Variants in ZBTB47 observed in about 807,000 individuals in gnomAD.
ZBTB47 encodes zinc finger and BTB domain-containing protein 47.
A neutral mutation model predicts 56.6 loss-of-function variants in ZBTB47; 24 were observed. The ratio of observed to expected loss-of-function variants is 0.42; its 90% CI spans 0.31 to 0.60. The LOEUF (loss-of-function observed/expected upper bound fraction) is 0.60, where lower values mean the gene tolerates loss of function less well. Ranked by LOEUF, ZBTB47 falls within the 20% of genes least tolerant of loss-of-function variation. The pLI, the probability that ZBTB47 is intolerant of heterozygous loss-of-function variation, is 0.14. For missense variants in ZBTB47, 829 were observed against 1,032.6 expected (o/e 0.80, Z 2.70); for synonymous variants, 414 against 418.9 (o/e 0.99, Z 0.14).
chr3:42,663,968 C>G lies in ZBTB47; in HGVS notation c.1882+27C>G. On this transcript the variant is annotated intron_variant, in intron 5 of 5. Coordinates refer to ENST00000232974, the MANE Select transcript of ZBTB47 (RefSeq NM_145166.4). This position sits in a 1 kb window ranked among gnomAD's most constrained non-coding sequence, Gnocchi z 5.1. ...TGCGGCTGCCCCTGGGGACGGAGCT[C>G]GGTGCCGGGCCTGGGACCCCTTCTC... 4 of 1,594,802 alleles carry G rather than the reference C, an allele frequency of 2.5e-6. No homozygotes were observed. Among genetic ancestry groups the G allele is most frequent in the Non-Finnish European group, 3.4e-6 (4 of 1,168,608 alleles).
Position 42,659,477 on chromosome 3 carries a change from C to T in ZBTB47, c.1122C>T (p.His374=). The T allele has an allele frequency of 6.6e-7, 1 of 1,523,294 alleles. No individual in the cohort carries two copies. The allele number at this position is 1,523,294 out of a possible 1,614,324, so 94.4% of individuals were successfully genotyped here. ...GCAGCCGGGCAGACCCCCCTCCCCACAGTCACATGGCCACACGGTCCCGGG... is the reference window on the plus strand; with the variant it reads ...GCAGCCGGGCAGACCCCCCTCCCCATAGTCACATGGCCACACGGTCCCGGG... ...SRSSRADPPP[H]SHMATRSREN... Residue 374 remains histidine (H), a synonymous_variant, in exon 2 of 6, where the codon CAC becomes CAT. Coordinates refer to ENST00000232974, the MANE Select transcript of ZBTB47 (RefSeq NM_145166.4).
Position 42,664,843 on chromosome 3 carries a change from C to CTTTTT in ZBTB47, c.*255_*259dup. 2 of 300,106 alleles carry CTTTTT rather than the reference C, an allele frequency of 6.7e-6. No individual in the cohort carries two copies. Among genetic ancestry groups the CTTTTT allele is most frequent in the East Asian group, 5.1e-5 (1 of 19,506 alleles). 18.6% of individuals were successfully genotyped at this position (300,106 alleles called of 1,614,324 possible). A position where few individuals can be genotyped will look rare whatever the true frequency, so the allele number is the denominator to read the frequency against. On this transcript the variant is annotated 3_prime_UTR_variant, in exon 6 of 6. Transcript: ENST00000232974. ...TTTCTGTGACTCCTTGAAGCCTTTA[C>CTTTTT]TTTTTTTTTTTTTTGGAAGTGAAGG...
In ZBTB47 at chr3:42,659,474, C is replaced by T; in HGVS notation, c.1119C>T (p.Pro373=). ...GSRSSRADPP[P]HSHMATRSRE... is the part of the protein sequence containing the mutation. ...GAAGCAGCCGGGCAGACCCCCCTCC[C>T]CACAGTCACATGGCCACACGGTCCC... The change falls in exon 2 of 6, where the codon CCC becomes CCT. Residue 373 remains proline, a synonymous_variant. Coordinates refer to ENST00000232974, the MANE Select transcript of ZBTB47 (RefSeq NM_145166.4). 6.6e-7 allele frequency: 1 copy of T among 1,521,638 alleles called. No individual in the cohort carries two copies. Among genetic ancestry groups the T allele is most frequent in the Non-Finnish European group, 8.8e-7 (1 of 1,139,822 alleles). The allele number at this position is 1,521,638 out of a possible 1,614,324, so 94.3% of individuals were successfully genotyped here.
chr3:42,661,769 G>T, intron 3 of ZBTB47, 137 bp downstream of exon 3: 1 of 1,218,812 alleles, frequency 8.2e-7, no homozygotes, highest in South Asian at 1.5e-5. Flanking sequence ...GCCTGGGGAG[G>T]TTGGTTCCAG....
chr3:42,657,366 G>A (rs1167819730), intron 1 of ZBTB47, among the ~76,000 whole-genome samples: 2 of 152,210 alleles, frequency 1.3e-5, no homozygotes, highest in Admixed American at 6.5e-5. Context: ...GGGGTCTACC[G>A]GGAAAAGGAT....
chr3:42,659,328 CAGGAAGAGGAAGAGGAGG>C lies in ZBTB47; in HGVS notation c.984_1001del (p.Glu330_Glu335del). 6.9e-7 allele frequency: 1 copy of C among 1,456,830 alleles called. No individual in the cohort carries two copies. The highest frequency in any genetic ancestry group is 2.5e-5 in the East Asian group (1 of 40,688). The allele number at this position is 1,456,830 out of a possible 1,614,324, so 90.2% of individuals were successfully genotyped here. ...AGAGGAGGAGGACGGGCACAGTGAG[CAGGAAGAGGAAGAGGAGG>C]AGGAAGAGGAGGAAGGGCCTAGTGA... is the stretch of plus-strand genomic sequence containing the variant. On this transcript the variant is annotated inframe_deletion, in exon 2 of 6. Transcript: ENST00000232974.
rs780527300 is a variant in ZBTB47 at position 42,663,154 on chromosome 3, GC to G, written c.1737+30del. On this transcript the variant is annotated intron_variant, in intron 4 of 5. Transcript: ENST00000232974. The surrounding 1 kb of genome is among the most constrained non-coding windows in gnomAD (Gnocchi z 5.1). ...TGAGCTTCCATCTCCTGCCTGGCCTGCCCGAGGGGTCACCTGGGAGGGGCAG... is the reference window on the plus strand; with the variant it reads ...TGAGCTTCCATCTCCTGCCTGGCCTGCCGAGGGGTCACCTGGGAGGGGCAG... 7 of 1,553,784 alleles carry G rather than the reference GC, an allele frequency of 4.5e-6. No homozygotes were observed. The highest frequency in any genetic ancestry group is 5.3e-6 in the Non-Finnish European group (6 of 1,125,728).
chr3:42,659,455 G>T lies in ZBTB47; in HGVS notation c.1100G>T (p.Ser367Ile). The part of the protein sequence containing the change: ...GKQGPRGSRS[S>I]RADPPPHSHM... Reference sequence around the variant, plus strand: ...CAGGGGCCACGGGGAAGCCGAAGCAGCCGGGCAGACCCCCCTCCCCACAGT... The same window carrying T: ...CAGGGGCCACGGGGAAGCCGAAGCATCCGGGCAGACCCCCCTCCCCACAGT... The change falls in exon 2 of 6, where the codon AGC (serine) becomes ATC (isoleucine). Residue 367 changes from serine (S) to isoleucine (I), a missense_variant. Ser to Ile is a moderately radical substitution (Grantham distance 142). Coordinates refer to ENST00000232974, the MANE Select transcript of ZBTB47 (RefSeq NM_145166.4). 6.7e-7 allele frequency: 1 copy of T among 1,503,210 alleles called. No homozygotes were observed. 93.1% of individuals were successfully genotyped at this position (1,503,210 alleles called of 1,614,324 possible).
rs747949421 is a variant in ZBTB47, at chr3:42,662,997, G to A, written c.1622-15G>A. The A allele has an allele frequency of 6.2e-7, 1 of 1,602,514 alleles. No homozygotes were observed. Among genetic ancestry groups the A allele is most frequent in the Non-Finnish European group, 8.5e-7 (1 of 1,169,726 alleles). ...AGGCCCGTAAAACATGATGGCCCTG[G>A]TGCCCACCTCGTAGCCCACACCAAG... On this transcript the variant is annotated splice_polypyrimidine_tract_variant and intron_variant, in intron 3 of 5. Transcript: ENST00000232974.
rs1272842292 is a variant in ZBTB47, at chr3:42,658,304, G to A, written c.-52G>A. On this transcript the variant is annotated 5_prime_UTR_variant, in exon 2 of 6. Coordinates refer to ENST00000232974, the MANE Select transcript of ZBTB47 (RefSeq NM_145166.4). ...TGGTTGAGAAGACAACTGACTCCCC[G>A]GCGGCTGAGTTCTCGCTGGTGGAGG... 8 of 1,486,416 alleles carry A rather than the reference G, an allele frequency of 5.4e-6. No individual in the cohort carries two copies. The highest frequency in any genetic ancestry group is 2.8e-5 in the African/African-American group (2 of 71,910). The allele number at this position is 1,486,416 out of a possible 1,614,324, so 92.1% of individuals were successfully genotyped here.
At position 42,664,458 on chromosome 3, in the gene ZBTB47, C is replaced by G. The variant is rs897365097; in HGVS notation, c.2104C>G (p.Pro702Ala). Residue 702 changes from proline to alanine, a missense_variant, in exon 6 of 6, where the codon CCA becomes GCA. Pro to Ala is a conservative substitution (Grantham distance 27). Around this residue, in one of 6 missense-constraint regions of ZBTB47, gnomAD observed 115 missense variants for 117.2 expected, o/e 0.98. Coordinates refer to ENST00000232974, the MANE Select transcript of ZBTB47 (RefSeq NM_145166.4). ...DGVPAAPGLP[P>A]TQPQAHALPL... ...CGTCCCCGCTGCCCCAGGCCTGCCC[C>G]CAACCCAGCCCCAGGCGCACGCACT... The G allele has an allele frequency of 6.6e-7, 1 of 1,521,288 alleles. No individual in the cohort carries two copies. Among genetic ancestry groups the G allele is most frequent in the African/African-American group, 1.4e-5 (1 of 72,662 alleles). The allele number at this position is 1,521,288 out of a possible 1,614,324, so 94.2% of individuals were successfully genotyped here.
Position 42,664,512 on chromosome 3 carries a change from CTG to C in ZBTB47, c.2159_2160del (p.Leu720ProfsTer107). 9 of 1,431,058 alleles carry C rather than the reference CTG, an allele frequency of 6.3e-6. No individual in the cohort carries two copies. The highest frequency in any genetic ancestry group is 8.2e-6 in the Non-Finnish European group (9 of 1,099,072). 88.6% of individuals were successfully genotyped at this position (1,431,058 alleles called of 1,614,324 possible). Reference protein sequence around the residue: ...LPLLPGLPQTLPPPPHLPPPP... With the variant: ...LPLLPGLPQTXPPPPHLPPPP... ...CCTGCTCCCGGGGCTGCCCCAGACC[CTG>C]CCGCCCCCGCCCCACCTGCCGCCCC... On this transcript the variant is annotated frameshift_variant, in exon 6 of 6. Coordinates refer to ENST00000232974, the MANE Select transcript of ZBTB47 (RefSeq NM_145166.4). LOFTEE classifies it low-confidence loss of function (END_TRUNC).
At position 42,664,553 on chromosome 3, in the gene ZBTB47, C is replaced by T; in HGVS notation, c.2199C>T (p.Phe733=). The T allele has an allele frequency of 1.6e-6, 2 of 1,262,164 alleles. No individual in the cohort carries two copies. Among genetic ancestry groups the T allele is most frequent in the South Asian group, 1.6e-5 (1 of 62,456 alleles). 78.2% of individuals were successfully genotyped at this position (1,262,164 alleles called of 1,614,324 possible). ...PPHLPPPPPL[F]PTTASPGGRM... is the part of the protein sequence containing the mutation. ...ACCTGCCGCCCCCGCCTCCGCTCTT[C>T]CCCACCACTGCCAGCCCCGGCGGGA... is the stretch of plus-strand genomic sequence containing the variant. The change falls in exon 6 of 6, where the codon TTC becomes TTT. Residue 733 remains phenylalanine, a synonymous_variant. Transcript: ENST00000232974.
In ZBTB47 at chr3:42,664,512, C is replaced by T. The variant is rs1300045307; in HGVS notation, c.2158C>T (p.Leu720=). 11 of 1,431,012 alleles carry T rather than the reference C, an allele frequency of 7.7e-6. No individual in the cohort carries two copies. The African/African-American group carries it at 1.4e-4, about 18-fold the overall frequency. 88.6% of individuals were successfully genotyped at this position (1,431,012 alleles called of 1,614,324 possible). The change falls in exon 6 of 6, where the codon CTG becomes TTG. Residue 720 remains leucine, a synonymous_variant. Coordinates refer to ENST00000232974, the MANE Select transcript of ZBTB47 (RefSeq NM_145166.4). The part of the protein sequence containing the change: ...LPLLPGLPQT[L]PPPPHLPPPP... Reference sequence around the variant, plus strand: ...CCTGCTCCCGGGGCTGCCCCAGACCCTGCCGCCCCCGCCCCACCTGCCGCC... The same window carrying T: ...CCTGCTCCCGGGGCTGCCCCAGACCTTGCCGCCCCCGCCCCACCTGCCGCC...
Position 42,666,693 on chromosome 3 carries a change from G to A in ZBTB47, c.*2095G>A, listed in dbSNP as rs1212024999. On this transcript the variant is annotated 3_prime_UTR_variant, in exon 6 of 6. Coordinates refer to ENST00000232974, the MANE Select transcript of ZBTB47 (RefSeq NM_145166.4). ...AGTAGGCCTGAGTGGCCGTGGCCAG[G>A]CTGAGACCTGTCAGGCCATACTGAC... Among the ~76,000 whole-genome samples, 4 of 152,208 alleles carry A rather than the reference G, an allele frequency of 2.6e-5. No individual in the cohort carries two copies. The highest frequency in any genetic ancestry group is 7.2e-5 in the African/African-American group (3 of 41,456).
rs1379019946 is a variant in ZBTB47, at chr3:42,659,197, A to C, written c.842A>C (p.Glu281Ala). Residue 281 changes from glutamate (E) to alanine (A), a missense_variant, in exon 2 of 6, where the codon GAG becomes GCG. Glu to Ala is a moderately radical substitution (Grantham distance 107). Transcript: ENST00000232974. ...GLQRHSDEEE[E>A]DDEEEEEEEE... The stretch of plus-strand genomic sequence containing the variant: ...CAGAGACACTCGGACGAGGAGGAGG[A>C]GGACGACGAGGAGGAGGAGGAGGAA... 1.3e-6 allele frequency: 2 copies of C among 1,524,936 alleles called. No homozygotes were observed. The highest frequency in any genetic ancestry group is 1.8e-6 in the Non-Finnish European group (2 of 1,140,712). 94.5% of individuals were successfully genotyped at this position (1,524,936 alleles called of 1,614,324 possible). A position where few individuals can be genotyped will look rare whatever the true frequency, so the allele number is the denominator to read the frequency against.
rs1234633030 is a variant in ZBTB47, at chr3:42,654,307, AGCTGGGGCTGGG to A, written c.-82+426_-82+437del. On this transcript the variant is annotated intron_variant, in intron 1 of 5. Transcript: ENST00000232974. The surrounding 1 kb of genome is among the most constrained non-coding windows in gnomAD (Gnocchi z 5.0). Reference sequence around the variant, plus strand: ...GCAGTGGGGACGGGCTGGGGGCTGGAGCTGGGGCTGGGGGTGGAGGGCAGCCTGCGGCAGGGC... The same window carrying A: ...GCAGTGGGGACGGGCTGGGGGCTGGAGGTGGAGGGCAGCCTGCGGCAGGGC... 1 of 98,042 alleles carries A rather than the reference AGCTGGGGCTGGG, an allele frequency of 1.0e-5. No individual in the cohort carries two copies. Among genetic ancestry groups the A allele is most frequent in the Non-Finnish European group, 2.1e-5 (1 of 47,996 alleles). The allele number at this position is 98,042 out of a possible 1,614,324, so 6.1% of individuals were successfully genotyped here.
In ZBTB47 at chr3:42,654,513, G is replaced by T; in HGVS notation, c.-82+630G>T. The T allele has an allele frequency of 5.6e-6, 1 of 178,760 alleles. No homozygotes were observed. Among genetic ancestry groups the T allele is most frequent in the Non-Finnish European group, 1.1e-5 (1 of 94,086 alleles). 11.1% of individuals were successfully genotyped at this position (178,760 alleles called of 1,614,324 possible). ...CGAGGCTCTGGGGCCGCAGCTGCTTGGCGCTGGACTCGCCGCGGCCCTGCG... is the reference window on the plus strand; with the variant it reads ...CGAGGCTCTGGGGCCGCAGCTGCTTTGCGCTGGACTCGCCGCGGCCCTGCG... On this transcript the variant is annotated intron_variant, in intron 1 of 5. Transcript: ENST00000232974. The surrounding 1 kb of genome is among the most constrained non-coding windows in gnomAD (Gnocchi z 5.0).
Position 42,654,664 on chromosome 3 carries a change from G to C in ZBTB47, c.-82+781G>C. ...GCCGGGGGCAGCGCGATCCCGCGGGGCCCTGTGAGCCCCCAGCGCCACGGC... is the reference window on the plus strand; with the variant it reads ...GCCGGGGGCAGCGCGATCCCGCGGGCCCCTGTGAGCCCCCAGCGCCACGGC... On this transcript the variant is annotated intron_variant, in intron 1 of 5. Transcript: ENST00000232974. This position sits in a 1 kb window ranked among gnomAD's most constrained non-coding sequence, Gnocchi z 5.0. 1.0e-6 allele frequency: 1 copy of C among 984,782 alleles called. No homozygotes were observed. Among genetic ancestry groups the C allele is most frequent in the East Asian group, 1.1e-4 (1 of 8,744 alleles). 61.0% of individuals were successfully genotyped at this position (984,782 alleles called of 1,614,324 possible).
Sources: allele counts gnomAD v4.1 joint callset (sites outside exome capture counted in the v4.1 genomes callset), GRCh38; gene constraint gnomAD v4.1.1; regional missense constraint gnomAD v4.1.1; non-coding constraint Gnocchi (gnomAD v3.1); transcripts MANE v1.5; gene names NCBI Gene and HGNC (gene_info 2026-07-23, HGNC 2026-07-21).